Variants in TBCB observed in about 807,000 individuals in gnomAD.
TBCB encodes the protein tubulin-folding cofactor B.
In TBCB, 18 loss-of-function variants were observed where a neutral mutation model predicts 29.2. The observed-to-expected ratio is 0.62, with a 90% confidence interval of 0.43 to 0.91. The LOEUF is 0.91. TBCB is among the 40% of genes least tolerant of loss of function. The pLI is 0.00. For missense variants in TBCB, 336 were observed against 337.6 expected, an observed-to-expected ratio of 1.00 and a Z score of 0.04; for synonymous variants, 172 against 137.8, an observed-to-expected ratio of 1.25 and a Z score of -1.74.
At chr19:36,120,677 C>A in intron 2 of TBCB, 33 bp from the exon 3 acceptor site, 1 of 1,607,558 alleles carries the variant, frequency 6.2e-7, no homozygotes, top group Non-Finnish European at 8.5e-7. Context: ...CTGGCCAGAC[C>A]CTGATCCCCA....
chr19:36,121,167 C>A (rs1415869916), intron 3 of TBCB, among the ~76,000 whole-genome samples: 2 of 142,194 alleles, frequency 1.4e-5, no homozygotes, highest in East Asian at 4.3e-4. Flanking sequence ...GACAGGGTGG[C>A]GGTCAGTGAG....
intron 1 of TBCB, 155 bp from the exon 2 acceptor site, chr19:36,115,886 C>T (rs1397419822): frequency 1.6e-6 from 2 of 1,245,526 alleles, no homozygotes; most frequent in Non-Finnish European, 1.1e-6. Flanking sequence ...ATCCGACGGT[C>T]CAGAGGGCGG....
chr19:36,120,453 T>G, intron 2 of TBCB: 2 of 488,872 alleles, frequency 4.1e-6, no homozygotes, highest in Non-Finnish European at 3.7e-6. Flanking sequence ...CCCTTGGCGA[T>G]GTTGATGCCA....
At position 36,121,715 on chromosome 19, in the gene TBCB, G is replaced by A; in HGVS notation, c.544G>A (p.Val182Ile). 6.4e-7 allele frequency: 1 copy of A among 1,552,406 alleles called. No individual in the cohort carries two copies. The highest frequency in any genetic ancestry group is 2.4e-5 in the East Asian group (1 of 41,492). ...QSPRRGTVMY[V>I]GLTDFKPGYW... ...CCCTCGCCGGGGCACCGTCATGTAT[G>A]TAGGTGCGTGGCTCGCGGGCCCGGT... The change falls in exon 4 of 6, where the codon GTA becomes ATA. Residue 182 changes from valine (V) to isoleucine (I), a missense_variant. Coordinates refer to ENST00000221855, the MANE Select transcript of TBCB (RefSeq NM_001281.3).
Position 36,116,038 on chromosome 19 carries a change from C to T in TBCB, c.115-3C>T, listed in dbSNP as rs1423480006. On this transcript the variant is annotated splice_region_variant and splice_polypyrimidine_tract_variant and intron_variant, in intron 1 of 5. Coordinates refer to ENST00000221855, the MANE Select transcript of TBCB (RefSeq NM_001281.3). ...TTCTTCTCACCCTGCCTCCTCCTCA[C>T]AGTGTAAACTGGAGTTGCTGGTGGG... The T allele has an allele frequency of 6.2e-7, 1 of 1,613,228 alleles. No individual in the cohort carries two copies. The highest frequency in any genetic ancestry group is 8.5e-7 in the Non-Finnish European group (1 of 1,179,324).
At position 36,115,552 on chromosome 19, in the gene TBCB, C is replaced by T. The variant is rs1416516102; in HGVS notation, c.-9C>T. ...GACCGCGCTGCAGGCATCCGCAGGG[C>T]GCGGCAAGATGGAGGTGACGGGGGT... On this transcript the variant is annotated 5_prime_UTR_variant, in exon 1 of 6. Coordinates refer to ENST00000221855, the MANE Select transcript of TBCB (RefSeq NM_001281.3). The T allele has an allele frequency of 2.5e-6, 4 of 1,596,312 alleles. No individual in the cohort carries two copies. The highest frequency in any genetic ancestry group is 1.3e-5 in the African/African-American group (1 of 74,504).
chr19:36,115,835 G>A, intron 1 of TBCB, 161 bp downstream of exon 1: 1 of 1,064,820 alleles, frequency 9.4e-7, no homozygotes, highest in African/African-American at 1.6e-5. Flanking sequence ...GGTCCGGAGA[G>A]AACTCGAGAG....
rs573537333 is a variant in TBCB at position 36,115,679 on chromosome 19, G to A, written c.114+5G>A. The A allele has an allele frequency of 1.3e-6, 2 of 1,589,148 alleles. No individual in the cohort carries two copies. Among genetic ancestry groups the A allele is most frequent in the Admixed American group, 1.7e-5 (1 of 57,334 alleles). ...CTCACCATCGCTGAGTTCAAGGTGTGGCCATGGGGGCGGGGTCCGGAGGGG... is the reference window on the plus strand; with the variant it reads ...CTCACCATCGCTGAGTTCAAGGTGTAGCCATGGGGGCGGGGTCCGGAGGGG... On this transcript the variant is annotated splice_donor_5th_base_variant and intron_variant, in intron 1 of 5. Coordinates refer to ENST00000221855, the MANE Select transcript of TBCB (RefSeq NM_001281.3).
rs1974123515 is a variant in TBCB, at chr19:36,125,542, C to T, written c.620+19C>T. 2 of 1,613,936 alleles carry T rather than the reference C, an allele frequency of 1.2e-6. No homozygotes were observed. Among genetic ancestry groups the T allele is most frequent in the Non-Finnish European group, 8.5e-7 (1 of 1,179,912 alleles). ...ATGGCAGGTAACAAGAATTCCCACTCAGGTGTCTGTGTGTGCATTTGTGTG... is the reference window on the plus strand; with the variant it reads ...ATGGCAGGTAACAAGAATTCCCACTTAGGTGTCTGTGTGTGCATTTGTGTG... On this transcript the variant is annotated intron_variant, in intron 5 of 5. Coordinates refer to ENST00000221855, the MANE Select transcript of TBCB (RefSeq NM_001281.3).
At position 36,125,454 on chromosome 19, in the gene TBCB, TCA is replaced by T. The variant is rs761357864; in HGVS notation, c.554_555del (p.Thr185ArgfsTer13). 3 of 1,614,126 alleles carry T rather than the reference TCA, an allele frequency of 1.9e-6. No individual in the cohort carries two copies. The African/African-American group carries it at 4.0e-5, about 22-fold the overall frequency. On this transcript the variant is annotated frameshift_variant, in exon 5 of 6. Coordinates refer to ENST00000221855, the MANE Select transcript of TBCB (RefSeq NM_001281.3). LOFTEE classifies it high-confidence loss of function. ...GGGATTTCTCTTCTGTTGGCAGGTC[TCA>T]CAGATTTCAAGCCTGGCTACTGGAT... is the stretch of plus-strand genomic sequence containing the variant.
Position 36,115,613 on chromosome 19 carries a change from C to T in TBCB, c.53C>T (p.Ser18Phe). The T allele has an allele frequency of 6.2e-7, 1 of 1,609,976 alleles. No homozygotes were observed. The highest frequency in any genetic ancestry group is 2.2e-5 in the East Asian group (1 of 44,668). ...APTVTVFISS[S>F]LNTFRSEKRY... is the part of the protein sequence containing the mutation. ...ACGGTGACCGTTTTCATCAGCAGCTCCCTCAACACCTTCCGCTCCGAGAAG... is the reference window on the plus strand; with the variant it reads ...ACGGTGACCGTTTTCATCAGCAGCTTCCTCAACACCTTCCGCTCCGAGAAG... Residue 18 changes from serine (S) to phenylalanine (F), a missense_variant, in exon 1 of 6, where the codon TCC (serine) becomes TTC (phenylalanine). By Grantham distance (155) the Ser-to-Phe change is radical. Transcript: ENST00000221855.
rs886641808 is a variant in TBCB, at chr19:36,125,589, C to G, written c.620+66C>G. The G allele has an allele frequency of 1.2e-5, 20 of 1,609,174 alleles. No homozygotes were observed. The African/African-American group carries it at 1.9e-4, about 15-fold the overall frequency. On this transcript the variant is annotated intron_variant, in intron 5 of 5. Coordinates refer to ENST00000221855, the MANE Select transcript of TBCB (RefSeq NM_001281.3). Reference sequence around the variant, plus strand: ...TGTGTAAGTCCATGCGTGCTGCTTGCTGAGCTGCCCATGCCAGCTTCTAGA... The same window carrying G: ...TGTGTAAGTCCATGCGTGCTGCTTGGTGAGCTGCCCATGCCAGCTTCTAGA...
chr19:36,115,724 G>T lies in TBCB; in HGVS notation c.114+50G>T, dbSNP rs200345741. Reference sequence around the variant, plus strand: ...GAGGGGCGGGGCGAAGAAATTGGGGGGTTCCCGGAAGGGGGAGGCTGGGAG... The same window carrying T: ...GAGGGGCGGGGCGAAGAAATTGGGGTGTTCCCGGAAGGGGGAGGCTGGGAG... On this transcript the variant is annotated intron_variant, in intron 1 of 5. Transcript: ENST00000221855. 5 of 1,437,386 alleles carry T rather than the reference G, an allele frequency of 3.5e-6. No individual in the cohort carries two copies. In the South Asian group the frequency reaches 3.7e-5, roughly 11 times the overall value. 89.0% of individuals were successfully genotyped at this position (1,437,386 alleles called of 1,614,324 possible). A position where few individuals can be genotyped will look rare whatever the true frequency, so the allele number is the denominator to read the frequency against.
At position 36,125,828 on chromosome 19, in the gene TBCB, T is replaced by G. The variant is rs768558990; in HGVS notation, c.*46T>G. 11 of 1,389,076 alleles carry G rather than the reference T, an allele frequency of 7.9e-6. No individual in the cohort carries two copies. The highest frequency in any genetic ancestry group is 1.1e-5 in the Non-Finnish European group (11 of 1,038,192). The allele number at this position is 1,389,076 out of a possible 1,614,324, so 86.0% of individuals were successfully genotyped here. A position where few individuals can be genotyped will look rare whatever the true frequency, so the allele number is the denominator to read the frequency against. On this transcript the variant is annotated 3_prime_UTR_variant, in exon 6 of 6. Transcript: ENST00000221855. ...TTCAGCTCCTAGCTCAGCCACTGAC[T>G]GCCCCTCCTGTGTGTGCCCATGGCC... is the stretch of plus-strand genomic sequence containing the variant.
In TBCB at chr19:36,121,212, G is replaced by A. The variant is rs561444430; in HGVS notation, c.356-315G>A. Among the ~76,000 whole-genome samples the A allele has an allele frequency of 2.9e-3, 437 of 151,994 alleles. 4 individuals carry two copies. Among genetic ancestry groups the A allele is most frequent in the African/African-American group, 0.01 (423 of 41,438 alleles). ...GACGGATCGAGTGTTGGGGGAGACC[G>A]GGGGCCTCAGGGCCGGAGGAGGGCG... On this transcript the variant is annotated intron_variant, in intron 3 of 5. Transcript: ENST00000221855.
At chr19:36,124,405 G>T (rs1233741214) in intron 4 of TBCB, among the ~76,000 whole-genome samples, 1 of 151,658 alleles carries the variant, frequency 6.6e-6, no homozygotes, top group African/African-American at 2.4e-5. Context: ...ATTTTTAGTA[G>T]AGACAGGGTT....
intron 4 of TBCB, among the ~76,000 whole-genome samples, chr19:36,122,368 C>A (rs928446809): frequency 6.6e-6 from 1 of 151,758 alleles, no homozygotes; most frequent in Non-Finnish European, 1.5e-5. Context: ...TTGCTTGAGC[C>A]CCGGAGTTGG....
At chr19:36,115,923 G>T in intron 1 of TBCB, 118 bp from the exon 2 acceptor site, 3 of 1,432,812 alleles carry the variant, frequency 2.1e-6, no homozygotes, top group Non-Finnish European at 1.9e-6. Context: ...GCTGGATTGC[G>T]GCCCCGTGCG....
At chr19:36,124,976 G>A (rs78885567) in intron 4 of TBCB, among the ~76,000 whole-genome samples, 5,827 of 150,756 alleles carry the variant, frequency 0.039, 151 homozygotes, top group East Asian at 0.11. Context: ...TGAGTTCCTT[G>A]TATATTCTTC....
Sources: allele counts gnomAD v4.1 joint callset (sites outside exome capture counted in the v4.1 genomes callset), GRCh38; gene constraint gnomAD v4.1.1; transcripts MANE v1.5; gene names NCBI Gene and HGNC (gene_info 2026-07-23, HGNC 2026-07-21).